The following ROBO2 variants were observed in gnomAD, a reference collection of about 807,000 sequenced individuals.
ROBO2 encodes the protein roundabout guidance receptor 2.
A neutral mutation model predicts 160.8 loss-of-function variants in ROBO2; 53 were observed. The ratio of observed to expected loss-of-function variants is 0.33; its 90% CI spans 0.26 to 0.41. The LOEUF (loss-of-function observed/expected upper bound fraction) is 0.41. Ranked by LOEUF, ROBO2 falls within the 10% of genes least tolerant of loss-of-function variation. The probability of loss-of-function intolerance (pLI) is 1.00; values close to 1 mark genes in which losing one functional copy is unlikely to be tolerated. For missense variants in ROBO2, 1,577 were observed against 1,722.4 expected, an observed-to-expected ratio of 0.92 and a Z score of 1.49; for synonymous variants, 664 against 611.7, an observed-to-expected ratio of 1.09 and a Z score of -1.26.
chr3:77,312,261 T>C (rs1191734769), intron 2 of ROBO2, among the ~76,000 whole-genome samples: 3 of 152,214 alleles, frequency 2.0e-5, no homozygotes, highest in African/African-American at 7.2e-5. Flanking sequence ...TGAGTATTTT[T>C]GTGATTACAT....
chr3:77,184,272 A>G (rs2081074024), intron 2 of ROBO2, among the ~76,000 whole-genome samples: 1 of 152,066 alleles, frequency 6.6e-6, no homozygotes, highest in African/African-American at 2.4e-5. Context: ...TTTAAATCAA[A>G]AATGCAAAAC....
rs1341734355 is a variant in ROBO2 at position 76,555,358 on chromosome 3, GAGAAGAAGAAGAAGAAGAA to G, written c.110-542655_110-542637del. Among the ~76,000 whole-genome samples, 27 of 57,982 alleles carry G rather than the reference GAGAAGAAGAAGAAGAAGAA, an allele frequency of 4.7e-4. 1 individual carries two copies. The highest frequency in any genetic ancestry group is 1.3e-3 in the African/African-American group (26 of 19,278). The allele number at this position is 57,982 out of a possible 152,430, so 38.0% of individuals were successfully genotyped here. On this transcript the variant is annotated intron_variant, in intron 2 of 26. Coordinates refer to the ROBO2 transcript ENST00000487694. ...AGGAAGAGGAGGAAGAGTAGGAAGA[GAGAAGAAGAAGAAGAAGAA>G]GAAGAAGAAGAAGAAGAAGAAGAAG... is the stretch of plus-strand genomic sequence containing the variant.
chr3:77,232,883 CTCA>C (rs1382267905), intron 2 of ROBO2, among the ~76,000 whole-genome samples: 3 of 152,054 alleles, frequency 2.0e-5, no homozygotes, highest in African/African-American at 4.8e-5. Context: ...TTTTGGTTGC[CTCA>C]TCATTTTCAA....
At chr3:76,624,830 A>G (rs1343878755) in intron 2 of ROBO2, among the ~76,000 whole-genome samples, 1 of 114,598 alleles carries the variant, frequency 8.7e-6, no homozygotes, top group East Asian at 2.6e-4. Flanking sequence ...AAAAAAAAAA[A>G]AAAAGAATAT....
At chr3:76,187,110 T>A (rs1413459697) in intron 2 of ROBO2, among the ~76,000 whole-genome samples, 1 of 152,106 alleles carries the variant, frequency 6.6e-6, no homozygotes, top group East Asian at 1.9e-4. Context: ...AAACATTGTC[T>A]TTGTGCTGAA....
intron 2 of ROBO2, among the ~76,000 whole-genome samples, chr3:76,456,779 C>T (rs1336402838): frequency 6.6e-6 from 1 of 152,142 alleles, no homozygotes; most frequent in African/African-American, 2.4e-5. Context: ...ATTGGACTTA[C>T]AGTTCCACAT....
At chr3:76,478,019 T>TTTTTTATTATTA (rs1553767833) in intron 2 of ROBO2, among the ~76,000 whole-genome samples, 3 of 148,918 alleles carry the variant, frequency 2.0e-5, no homozygotes, top group Non-Finnish European at 4.5e-5. Flanking sequence ...CCGCTACTTC[T>TTTTTTATTATTA]TTATTATTAT....
intron 2 of ROBO2, among the ~76,000 whole-genome samples, chr3:76,814,989 C>T (rs2065535788): frequency 6.6e-6 from 1 of 151,994 alleles, no homozygotes; most frequent in Admixed American, 6.6e-5. Context: ...TACAATCAGG[C>T]TTTCCCTTCA....
chr3:76,998,938 C>A (rs1184984379), intron 2 of ROBO2, among the ~76,000 whole-genome samples: 2 of 152,266 alleles, frequency 1.3e-5, no homozygotes, highest in South Asian at 2.1e-4. Context: ...GAAGCAGACC[C>A]AGCAAGGCTT....
At chr3:76,257,730 T>C (rs1003038134) in intron 2 of ROBO2, among the ~76,000 whole-genome samples, 1 of 152,138 alleles carries the variant, frequency 6.6e-6, no homozygotes, top group Non-Finnish European at 1.5e-5. Flanking sequence ...CAGTTATTTC[T>C]GTACTCTCCA....
chr3:76,332,112 G>T (rs2073536802), intron 2 of ROBO2, among the ~76,000 whole-genome samples: 1 of 152,108 alleles, frequency 6.6e-6, no homozygotes, highest in African/African-American at 2.4e-5. Context: ...TGTATATTTT[G>T]AATACATTTC....
chr3:76,470,450 A>C (rs1412151911), intron 2 of ROBO2, among the ~76,000 whole-genome samples: 2 of 152,098 alleles, frequency 1.3e-5, no homozygotes, highest in African/African-American at 2.4e-5. Context: ...TGTACAACCC[A>C]AAATGGCTCA....
chr3:76,040,183 T>C (rs1457152325), intron 2 of ROBO2, among the ~76,000 whole-genome samples: 1 of 151,932 alleles, frequency 6.6e-6, no homozygotes, highest in Non-Finnish European at 1.5e-5. Context: ...TAAGGGCTTG[T>C]GAATTTTTTA....
At chr3:76,158,748 A>G (rs560589500) in intron 2 of ROBO2, among the ~76,000 whole-genome samples, 8 of 152,270 alleles carry the variant, frequency 5.3e-5, no homozygotes, top group African/African-American at 1.9e-4. Flanking sequence ...AAAGACTTGT[A>G]TCAAGCAAGC....
intron 2 of ROBO2, among the ~76,000 whole-genome samples, chr3:77,152,268 G>T (rs2077610810): frequency 6.6e-6 from 1 of 151,950 alleles, no homozygotes; most frequent in South Asian, 2.1e-4. Flanking sequence ...AAATTTACTA[G>T]GTTCCATAGT....
intron 2 of ROBO2, among the ~76,000 whole-genome samples, chr3:76,857,274 T>A (rs758003994): frequency 6.6e-6 from 1 of 152,196 alleles, no homozygotes; most frequent in Non-Finnish European, 1.5e-5. Context: ...TGTGAGCGAA[T>A]GCATGTTTTT....
chr3:77,477,830 C>CTTTTTTT (rs11371687), intron 3 of ROBO2, among the ~76,000 whole-genome samples: 11 of 84,466 alleles, frequency 1.3e-4, no homozygotes, highest in African/African-American at 2.4e-4. Flanking sequence ...TATTTTAGCT[C>CTTTTTTT]TTTTTTTTTT....
intron 2 of ROBO2, among the ~76,000 whole-genome samples, chr3:76,116,790 TGTGAGCACAG>T (rs1192124443): frequency 6.6e-6 from 1 of 152,196 alleles, no homozygotes; most frequent in African/African-American, 2.4e-5. Flanking sequence ...CCAAGCTTTG[TGTGAGCACAG>T]GTGAGCACAG....
At chr3:76,834,112 T>TTC (rs1553651367) in intron 2 of ROBO2, among the ~76,000 whole-genome samples, 2 of 145,492 alleles carry the variant, frequency 1.4e-5, no homozygotes, top group African/African-American at 5.1e-5. Context: ...CTTTCTTTCT[T>TTC]TCTCTCTGTC....
Sources: gnomAD v4.1 joint callset for allele counts (sites outside exome capture counted in the v4.1 genomes callset) on GRCh38, gnomAD v4.1.1 for gene constraint, MANE v1.5 for transcripts, NCBI Gene and HGNC (gene_info 2026-07-23, HGNC 2026-07-21) for gene names.